Variants in LMNA observed in about 807,000 individuals in gnomAD.
The protein encoded by LMNA is lamin.
In LMNA, 20 loss-of-function variants were observed where a neutral mutation model predicts 70.4. That is an observed-to-expected ratio of 0.28 (90% CI 0.20 to 0.41). LMNA has a LOEUF of 0.41. Among genes scored for constraint, LMNA ranks in the 10% least tolerant of loss-of-function variants. The pLI is 1.00. For synonymous variants in LMNA, 339 were observed against 372.8 expected, an observed-to-expected ratio of 0.91 and a Z score of 1.04; for missense variants, 652 against 917.2, an observed-to-expected ratio of 0.71 and a Z score of 3.73.
Position 156,135,868 on chromosome 1 carries a change from G to T in LMNA, c.937-33G>T. The T allele has an allele frequency of 6.3e-7, 1 of 1,594,352 alleles. No individual in the cohort carries two copies. The highest frequency in any genetic ancestry group is 1.1e-5 in the South Asian group (1 of 90,494). On this transcript the variant is annotated intron_variant, in intron 5 of 11. Coordinates refer to ENST00000368300, the MANE Select transcript of LMNA (RefSeq NM_170707.4). This position sits in a 1 kb window ranked among gnomAD's most constrained non-coding sequence, Gnocchi z 4.8. ...CTCCTTCCCCATACTTAGGGCCCTT[G>T]GGAGCTCACCAAACCCTCCCACCCC...
intron 1 of LMNA, chr1:156,127,015 C>A: frequency 2.5e-6 from 3 of 1,182,868 alleles, no homozygotes; most frequent in Non-Finnish European, 3.5e-6. Context: ...GCTCCTCTGG[C>A]CTGCCCCACC....
chr1:156,109,820 A>ATGTG (rs71080747), upstream of LMNA: 26,179 of 123,412 alleles, frequency 0.21, 2,835 homozygotes, highest in Non-Finnish European at 0.26. Context: ...GTGTGTGTGC[A>ATGTG]TATATATATA....
chr1:156,130,599 C>G lies in LMNA; in HGVS notation c.357-18C>G, dbSNP rs1248596288. 4 of 1,613,470 alleles carry G rather than the reference C, an allele frequency of 2.5e-6. No individual in the cohort carries two copies. Among genetic ancestry groups the G allele is most frequent in the Non-Finnish European group, 3.4e-6 (4 of 1,179,862 alleles). ...ACAGACTCCTTCTCTTAAATCTACT[C>G]TCCCCTCTCTTCTTTAGCAATACCA... is the stretch of plus-strand genomic sequence containing the variant. On this transcript the variant is annotated intron_variant, in intron 1 of 11. Transcript: ENST00000368300.
At chr1:156,099,775 ACT>A (rs1649073573) in intron 3 of LMNA, among the ~76,000 whole-genome samples, 1 of 150,816 alleles carries the variant, frequency 6.6e-6, no homozygotes, top group Non-Finnish European at 1.5e-5. Context: ...AATCTCAGCT[ACT>A]CAGGAGGCTG....
chr1:156,111,341 C>T (rs1313517668), upstream of LMNA, among the ~76,000 whole-genome samples: 2 of 151,650 alleles, frequency 1.3e-5, no homozygotes, highest in Admixed American at 1.3e-4. Context: ...CCCAGCTACT[C>T]AGGAGGCTAA....
At position 156,136,451 on chromosome 1, in the gene LMNA, A is replaced by G; in HGVS notation, c.1380+15A>G. The G allele has an allele frequency of 6.4e-7, 1 of 1,554,536 alleles. No individual in the cohort carries two copies. The highest frequency in any genetic ancestry group is 8.7e-7 in the Non-Finnish European group (1 of 1,148,994). On this transcript the variant is annotated intron_variant, in intron 7 of 11. Transcript: ENST00000368300. This position sits in a 1 kb window ranked among gnomAD's most constrained non-coding sequence, Gnocchi z 6.1. ...AGTCCAATGAGGTAGGCTCCTGCTC[A>G]GGGTCTAAGGGGATACAGCTGCATC...
chr1:156,098,482 C>T (rs529254233), intron 3 of LMNA, among the ~76,000 whole-genome samples: 1 of 152,110 alleles, frequency 6.6e-6, no homozygotes, highest in African/African-American at 2.4e-5. Flanking sequence ...AAAGAAGGTA[C>T]GCAACTCATG....
chr1:156,104,145 G>T lies in LMNA; in HGVS notation c.-206-10568G>T, dbSNP rs186064288. Among the ~76,000 whole-genome samples the T allele has an allele frequency of 2.0e-4, 30 of 152,338 alleles. No individual in the cohort carries two copies. In the East Asian group the frequency reaches 5.2e-3, roughly 26 times the overall value. ...CCTTAGCCCAGCTCTCTGGCATATT[G>T]CCAGCTTGGGCGTGTTGGGCGGCAG... On this transcript the variant is annotated intron_variant, in intron 3 of 12. Coordinates refer to the LMNA transcript ENST00000368301.
rs562240277 is a variant in LMNA at position 156,115,644 on chromosome 1, T to C, written c.356+370T>C. Among the ~76,000 whole-genome samples the C allele has an allele frequency of 2.6e-5, 4 of 152,334 alleles. No homozygotes were observed. The highest frequency in any genetic ancestry group is 2.6e-4 in the Admixed American group (4 of 15,302). On this transcript the variant is annotated intron_variant, in intron 1 of 11. Coordinates refer to ENST00000368300, the MANE Select transcript of LMNA (RefSeq NM_170707.4). This position sits in a 1 kb window ranked among gnomAD's most constrained non-coding sequence, Gnocchi z 5.8. ...CTAGCCCTGCCAGCTCGAAGAACTC[T>C]GGGCACCCAGGACACATCGGAGTGG...
Position 156,087,243 on chromosome 1 carries a change from C to CT in LMNA, c.-318-3215dup, listed in dbSNP as rs1167426596. On this transcript the variant is annotated intron_variant, in intron 2 of 12. Coordinates refer to the LMNA transcript ENST00000368301. ...AGATTTTCCCATTTTCTTTTCTTTC[C>CT]TTTTTTTTTTTTTGTGGGGGGACAG... Among the ~76,000 whole-genome samples, 536 of 143,634 alleles carry CT rather than the reference C, an allele frequency of 3.7e-3. 2 individuals are homozygous for CT. The highest frequency in any genetic ancestry group is 7.7e-3 in the African/African-American group (304 of 39,414). 94.2% of individuals were successfully genotyped at this position (143,634 alleles called of 152,430 possible). A position where few individuals can be genotyped will look rare whatever the true frequency, so the allele number is the denominator to read the frequency against.
Position 156,126,878 on chromosome 1 carries a change from G to C in LMNA, c.357-3739G>C, listed in dbSNP as rs536374804. The C allele has an allele frequency of 2.5e-6, 4 of 1,611,368 alleles. No homozygotes were observed. The Admixed American group carries it at 6.7e-5, about 27-fold the overall frequency. On this transcript the variant is annotated intron_variant, in intron 1 of 11. Coordinates refer to ENST00000368300, the MANE Select transcript of LMNA (RefSeq NM_170707.4). Reference sequence around the variant, plus strand: ...TGGCACTCTGCTGGCACAGCACCCGGCCTGGGGCAGGACACGGGCGAAGCC... The same window carrying C: ...TGGCACTCTGCTGGCACAGCACCCGCCCTGGGGCAGGACACGGGCGAAGCC...
At chr1:156,125,940 A>T (rs1650534331) in intron 1 of LMNA, among the ~76,000 whole-genome samples, 1 of 152,190 alleles carries the variant, frequency 6.6e-6, no homozygotes, top group African/African-American at 2.4e-5. Flanking sequence ...CAGTGAGATC[A>T]CCTGGGCGAC....
chr1:156,095,918 A>G (rs1000372765), intron 3 of LMNA, among the ~76,000 whole-genome samples: 1 of 152,154 alleles, frequency 6.6e-6, no homozygotes, highest in African/African-American at 2.4e-5. Flanking sequence ...CAGACTACTC[A>G]GGGGTATGGA....
At chr1:156,131,765 G>A (rs1651094832) in intron 2 of LMNA, among the ~76,000 whole-genome samples, 3 of 152,178 alleles carry the variant, frequency 2.0e-5, no homozygotes, top group Non-Finnish European at 2.9e-5. Context: ...CATTTATTGA[G>A]GCCATCAGAA....
In LMNA at chr1:156,084,328, C is replaced by G. The variant is rs74965833; in HGVS notation, c.-319+1144C>G. Among the ~76,000 whole-genome samples the G allele has an allele frequency of 4.5e-3, 413 of 90,778 alleles. 2 individuals are homozygous for G. Among genetic ancestry groups the G allele is most frequent in the Non-Finnish European group, 7.0e-3 (291 of 41,590 alleles). The allele number at this position is 90,778 out of a possible 152,430, so 59.6% of individuals were successfully genotyped here. A position where few individuals can be genotyped will look rare whatever the true frequency, so the allele number is the denominator to read the frequency against. ...ACCTGAGCTGAGGATCTCAGAAGGT[C>G]GGGGGGTGGTGGGGGCAGTTGGCAC... On this transcript the variant is annotated intron_variant, in intron 2 of 12. Transcript: ENST00000368301.
At chr1:156,133,488 A>G (rs992216671) in intron 2 of LMNA, among the ~76,000 whole-genome samples, 2 of 151,888 alleles carry the variant, frequency 1.3e-5, no homozygotes, top group Admixed American at 6.6e-5. Context: ...GGAGAATGGC[A>G]TGAACCTGGG....
chr1:156,098,948 T>C (rs1649041384), intron 3 of LMNA, among the ~76,000 whole-genome samples: 2 of 152,136 alleles, frequency 1.3e-5, no homozygotes, highest in Admixed American at 6.5e-5. Context: ...GCCCAGAGGC[T>C]GTGGGAAGCT....
chr1:156,129,928 C>T (rs752332453), intron 1 of LMNA: 7 of 753,628 alleles, frequency 9.3e-6, no homozygotes, highest in Non-Finnish European at 1.7e-5. Context: ...AGCCTTCTCC[C>T]AGGGCACGGA....
intron 1 of LMNA, among the ~76,000 whole-genome samples, chr1:156,119,351 C>T (rs189057790): frequency 1.3e-5 from 2 of 152,142 alleles, no homozygotes; most frequent in East Asian, 1.9e-4. Context: ...CTCTTGACCT[C>T]GTGATCCGTC....
Sources: gnomAD v4.1 joint callset for allele counts (sites outside exome capture counted in the v4.1 genomes callset) on GRCh38, gnomAD v4.1.1 for gene constraint, Gnocchi (gnomAD v3.1) non-coding constraint, MANE v1.5 for transcripts, NCBI Gene and HGNC (gene_info 2026-07-23, HGNC 2026-07-21) for gene names.